The following ZAR1L variants were observed in gnomAD, a reference collection of about 807,000 sequenced individuals.
The protein encoded by ZAR1L is zygote arrest 1 like, also known as protein ZAR1-like.
A neutral mutation model predicts 30.0 loss-of-function variants in ZAR1L; 16 were observed. That is an observed-to-expected ratio of 0.53 (90% confidence interval 0.36 to 0.81). The LOEUF (loss-of-function observed/expected upper bound fraction) is 0.81, where lower values mean the gene tolerates loss of function less well. Ranked by LOEUF, ZAR1L falls within the 30% of genes least tolerant of loss-of-function variation. The pLI is 0.00. For synonymous variants in ZAR1L, 197 were observed against 166.8 expected, an observed-to-expected ratio of 1.18 and a Z score of -1.40; for missense variants, 392 against 417.2, an observed-to-expected ratio of 0.94 and a Z score of 0.53.
At chr13:32,307,962 C>T (rs2072188541) in intron 5 of ZAR1L, among the ~76,000 whole-genome samples, 1 of 152,106 alleles carries the variant, frequency 6.6e-6, no homozygotes, top group African/African-American at 2.4e-5. Flanking sequence ...GCCACCATGT[C>T]TGCCTAATTT....
intron 5 of ZAR1L, among the ~76,000 whole-genome samples, chr13:32,307,902 A>C (rs529516012): frequency 2.0e-5 from 3 of 152,298 alleles, no homozygotes; most frequent in African/African-American, 7.2e-5. Flanking sequence ...TCCTGGGTTC[A>C]AGCAATTCTC....
intron 4 of ZAR1L, among the ~76,000 whole-genome samples, chr13:32,309,344 A>T (rs1418431139): frequency 1.3e-5 from 2 of 152,134 alleles, no homozygotes; most frequent in Non-Finnish European, 2.9e-5. Flanking sequence ...ACTCCCTAAT[A>T]ATGTACACCA....
rs570051602 is a variant in ZAR1L at position 32,308,972 on chromosome 13, T to C, written c.748-212A>G. 1.5e-4 allele frequency among the ~76,000 whole-genome samples: 22 copies of C among 149,320 alleles called. 1 individual carries two copies. The highest frequency in any genetic ancestry group is 5.5e-4 in the African/African-American group (22 of 39,900). ...CTTTTTCTTTGAATCTAATTTTCCTTACCCATAAAATTGGAATACATTTTT... is the reference window on the plus strand; with the variant it reads ...CTTTTTCTTTGAATCTAATTTTCCTCACCCATAAAATTGGAATACATTTTT... On this transcript the variant is annotated intron_variant, in intron 4 of 5. Transcript: ENST00000533490.
intron 3 of ZAR1L, 46 bp downstream of exon 3, chr13:32,311,226 G>A (rs1176572649): frequency 3.4e-6 from 5 of 1,485,516 alleles, no homozygotes; most frequent in East Asian, 2.5e-5. Flanking sequence ...AAGGAGGGAG[G>A]GGATGAGGCT....
rs779748199 is a variant in ZAR1L at position 32,311,510 on chromosome 13, C to A, written c.416G>T (p.Arg139Leu). Reference sequence around the variant, plus strand: ...TCTCCGCAGGCGGATCAAGCCCCTGCGGCCGGTGGCGGGCGAAGTGACCCC... The same window carrying A: ...TCTCCGCAGGCGGATCAAGCCCCTGAGGCCGGTGGCGGGCGAAGTGACCCC... Reference protein sequence around the residue: ...ACGVTSPATGRRGLIRLRRDG... With the variant: ...ACGVTSPATGLRGLIRLRRDG... Residue 139 changes from arginine (R) to leucine (L), a missense_variant, in exon 3 of 6, where the codon CGC (arginine) becomes CTC (leucine). Physicochemically the swap from Arg to Leu is moderately radical, Grantham distance 102. Coordinates refer to ENST00000533490, the MANE Select transcript of ZAR1L (RefSeq NM_001136571.2). 2.0e-6 allele frequency: 3 copies of A among 1,538,356 alleles called. No homozygotes were observed. Among genetic ancestry groups the A allele is most frequent in the Non-Finnish European group, 1.8e-6 (2 of 1,141,944 alleles).
Position 32,310,695 on chromosome 13 carries a change from C to G in ZAR1L, c.691G>C (p.Asp231His), listed in dbSNP as rs750839451. The change falls in exon 4 of 6, where the codon GAT becomes CAT. Residue 231 changes from aspartate to histidine, a missense_variant. Physicochemically the swap from Asp to His is moderately conservative, Grantham distance 81 (BLOSUM62 -1). Transcript: ENST00000533490. ...GCACTCTCCCACCTGGTCTTACAAT[C>G]TTTACAGTGGAAATAGCCATATTTT... Reference protein sequence around the residue: ...EPKYGYFHCKDCKTRWESAYV... With the variant: ...EPKYGYFHCKHCKTRWESAYV... 1.4e-5 allele frequency: 21 copies of G among 1,551,652 alleles called. No homozygotes were observed. In the South Asian group the frequency reaches 2.5e-4, roughly 18 times the overall value.
At chr13:32,308,915 G>A (rs206103) in intron 4 of ZAR1L, among the ~76,000 whole-genome samples, 155 bp from the exon 5 acceptor site, 56,000 of 151,526 alleles carry the variant, frequency 0.37, 10,594 homozygotes, top group East Asian at 0.49. Flanking sequence ...TCTACCCTTG[G>A]GGTTTCAAGG....
chr13:32,311,056 T>C (rs2072208477), intron 3 of ZAR1L, among the ~76,000 whole-genome samples: 1 of 135,474 alleles, frequency 7.4e-6, no homozygotes, highest in Non-Finnish European at 1.6e-5. Flanking sequence ...TGCCAGACTG[T>C]TGGTTTTCAC....
rs1230159444 is a variant in ZAR1L at position 32,308,590 on chromosome 13, A to G, written c.822+96T>C. The G allele has an allele frequency of 5.9e-6, 5 of 850,724 alleles. No individual in the cohort carries two copies. In the African/African-American group the frequency reaches 6.8e-5, roughly 12 times the overall value. The allele number at this position is 850,724 out of a possible 1,614,324, so 52.7% of individuals were successfully genotyped here. ...TCTCAAACATACAGAACACTCACAT[A>G]CCAATATCCAACTCTATCAAATCCT... On this transcript the variant is annotated intron_variant, in intron 5 of 5. Coordinates refer to ENST00000533490, the MANE Select transcript of ZAR1L (RefSeq NM_001136571.2).
intron 4 of ZAR1L, among the ~76,000 whole-genome samples, chr13:32,310,352 A>G (rs79884312): frequency 1.7e-4 from 26 of 152,358 alleles, no homozygotes; most frequent in African/African-American, 6.0e-4. Flanking sequence ...AAGCATACCA[A>G]CTAAAAAACG....
chr13:32,312,459 CTTGTTCG>C (rs1014431098), intron 2 of ZAR1L, among the ~76,000 whole-genome samples: 3 of 152,166 alleles, frequency 2.0e-5, no homozygotes, highest in Non-Finnish European at 4.4e-5. Flanking sequence ...CCTTCACTTC[CTTGTTCG>C]TTGTAGCATT....
At chr13:32,305,319 C>T (rs550239696) in intron 5 of ZAR1L, among the ~76,000 whole-genome samples, 23 of 152,078 alleles carry the variant, frequency 1.5e-4, no homozygotes, top group Non-Finnish European at 2.1e-4. Flanking sequence ...CTCCGCCTCC[C>T]GGGTTCACGC....
intron 5 of ZAR1L, 82 bp downstream of exon 5, chr13:32,308,604 C>G (rs1336350845): frequency 2.9e-6 from 3 of 1,029,074 alleles, no homozygotes; most frequent in East Asian, 2.6e-5. Context: ...ATATCCAACT[C>G]TATCAAATCC....
At chr13:32,313,516 G>A (rs1593877642) in intron 2 of ZAR1L, among the ~76,000 whole-genome samples, 2 of 152,156 alleles carry the variant, frequency 1.3e-5, no homozygotes, top group African/African-American at 4.8e-5. Flanking sequence ...ACAGGCACAT[G>A]CCACCACACC....
At chr13:32,310,528 C>G (rs774189070) in intron 4 of ZAR1L, 111 bp downstream of exon 4, 72 of 751,102 alleles carry the variant, frequency 9.6e-5, no homozygotes, top group Non-Finnish European at 1.3e-4. Context: ...GGGATGCCAC[C>G]AAGATCAAGA....
In ZAR1L at chr13:32,310,625, C is replaced by T; in HGVS notation, c.747+14G>A. On this transcript the variant is annotated intron_variant, in intron 4 of 5. Transcript: ENST00000533490. The stretch of plus-strand genomic sequence containing the variant: ...CACCCCATCCTCCTCTCACCTCCTA[C>T]TCTTTTTATTTACCTTGTTCGTTCC... 6.5e-7 allele frequency: 1 copy of T among 1,532,328 alleles called. No homozygotes were observed. Among genetic ancestry groups the T allele is most frequent in the South Asian group, 1.2e-5 (1 of 83,650 alleles). The allele number at this position is 1,532,328 out of a possible 1,614,324, so 94.9% of individuals were successfully genotyped here. A position where few individuals can be genotyped will look rare whatever the true frequency, so the allele number is the denominator to read the frequency against.
chr13:32,313,902 T>C (rs2072231132), intron 2 of ZAR1L, among the ~76,000 whole-genome samples: 1 of 152,122 alleles, frequency 6.6e-6, no homozygotes. Flanking sequence ...ATTAGTCCAC[T>C]CCTAGTGAGA....
intron 3 of ZAR1L, among the ~76,000 whole-genome samples, chr13:32,310,938 C>A (rs563356986): frequency 6.6e-6 from 1 of 151,690 alleles, no homozygotes; most frequent in East Asian, 2.0e-4. Flanking sequence ...CTTTTCCAAT[C>A]CATTTTCCAC....
intron 2 of ZAR1L, 103 bp downstream of exon 2, chr13:32,314,227 C>T (rs1318077231): frequency 6.6e-6 from 1 of 152,180 alleles, no homozygotes; most frequent in Admixed American, 6.5e-5. Context: ...AGACTTAGAG[C>T]AAAAGCTTTA....
Sources: allele counts gnomAD v4.1 joint callset (sites outside exome capture counted in the v4.1 genomes callset), GRCh38; gene constraint gnomAD v4.1.1; transcripts MANE v1.5; gene names NCBI Gene and HGNC (gene_info 2026-07-23, HGNC 2026-07-21).